TBC1D1: variants seen among roughly 807,000 people sequenced by gnomAD.
The protein encoded by TBC1D1 is TBC1 (tre-2/USP6, BUB2, cdc16) domain family, member 1.
TBC1D1 carries 89 observed loss-of-function variants against 125.6 expected under a neutral mutation model. The observed-to-expected ratio is 0.71, with a 90% CI of 0.60 to 0.85. TBC1D1 has a LOEUF of 0.85. Ranked by LOEUF, TBC1D1 falls within the 40% of genes least tolerant of loss-of-function variation. The pLI is 0.00. For missense variants in TBC1D1, 1,377 were observed against 1,469.2 expected (o/e 0.94, Z 1.03); for synonymous variants, 565 against 564.1 (o/e 1.00, Z -0.02).
intron 2 of TBC1D1, among the ~76,000 whole-genome samples, chr4:37,934,778 C>T (rs539689059): frequency 1.0e-3 from 159 of 152,260 alleles, no homozygotes; most frequent in Non-Finnish European, 1.7e-3. Context: ...CTTTTCTTCC[C>T]ACCTGTATCA....
intron 12 of TBC1D1, among the ~76,000 whole-genome samples, chr4:38,082,111 G>A (rs1756669622): frequency 1.3e-5 from 2 of 152,218 alleles, no homozygotes; most frequent in South Asian, 2.1e-4. Flanking sequence ...CATCTGGGAA[G>A]AGAGGGGGAG....
chr4:37,995,949 A>C lies in TBC1D1; in HGVS notation c.418-18560A>C. 1 of 571,068 alleles carries C rather than the reference A, an allele frequency of 1.8e-6. No individual in the cohort carries two copies. The highest frequency in any genetic ancestry group is 5.0e-5 in the East Asian group (1 of 20,196). The allele number at this position is 571,068 out of a possible 1,614,324, so 35.4% of individuals were successfully genotyped here. A position where few individuals can be genotyped will look rare whatever the true frequency, so the allele number is the denominator to read the frequency against. The stretch of plus-strand genomic sequence containing the variant: ...CCCAGGGAGAAATCCACACTCAAGG[A>C]CTTCTTTCTTCTCTTGCCTCTCTGT... On this transcript the variant is annotated intron_variant, in intron 2 of 19. Transcript: ENST00000261439. This position sits in a 1 kb window ranked among gnomAD's most constrained non-coding sequence, Gnocchi z 4.3.
intron 7 of TBC1D1, among the ~76,000 whole-genome samples, chr4:38,035,368 G>T (rs896551320): frequency 6.6e-6 from 1 of 152,188 alleles, no homozygotes; most frequent in South Asian, 2.1e-4. Flanking sequence ...TTCATTTTTA[G>T]ATGGGAGGAC....
chr4:38,121,976 A>G lies in TBC1D1; in HGVS notation c.2963-2986A>G, dbSNP rs1486992772. Reference sequence around the variant, plus strand: ...AAAGCTTCCTGCAGTCCTTCCTTCAACTCTGAATTCAAGCACATTCCTGCA... The same window carrying G: ...AAAGCTTCCTGCAGTCCTTCCTTCAGCTCTGAATTCAAGCACATTCCTGCA... On this transcript the variant is annotated intron_variant, in intron 17 of 19. Coordinates refer to ENST00000261439, the MANE Select transcript of TBC1D1 (RefSeq NM_015173.4). Among the ~76,000 whole-genome samples the G allele has an allele frequency of 4.6e-5, 7 of 152,206 alleles. No individual in the cohort carries two copies. In the East Asian group the frequency reaches 9.7e-4, roughly 21 times the overall value.
chr4:38,127,440 G>A (rs1199281589), intron 18 of TBC1D1, among the ~76,000 whole-genome samples: 4 of 149,196 alleles, frequency 2.7e-5, no homozygotes, highest in African/African-American at 5.0e-5. Flanking sequence ...GCTGGAATGC[G>A]GTGGTGTGAT....
chr4:38,103,262 A>G (rs531146789), intron 15 of TBC1D1, 105 bp downstream of exon 17: 11 of 1,207,636 alleles, frequency 9.1e-6, no homozygotes, highest in Admixed American at 5.3e-5. Flanking sequence ...AGGTTTAGCA[A>G]TCAAAATTTA....
At chr4:38,106,801 G>A (rs554933559) in intron 15 of TBC1D1, among the ~76,000 whole-genome samples, 3 of 152,232 alleles carry the variant, frequency 2.0e-5, no homozygotes, top group East Asian at 1.9e-4. Context: ...CAAGGGCCTC[G>A]GCGTGGCTGT....
At chr4:37,898,870 A>T (rs1186777091) in intron 1 of TBC1D1, among the ~76,000 whole-genome samples, 1 of 152,210 alleles carries the variant, frequency 6.6e-6, no homozygotes, top group Non-Finnish European at 1.5e-5. Flanking sequence ...GCTCAGAGGC[A>T]TGAGAAACGG....
chr4:37,892,524 A>G (rs1427939841), intron 1 of TBC1D1, among the ~76,000 whole-genome samples: 1 of 152,234 alleles, frequency 6.6e-6, no homozygotes, highest in Non-Finnish European at 1.5e-5. Context: ...TCAAAGCAGG[A>G]AATAAAATCA....
intron 2 of TBC1D1, among the ~76,000 whole-genome samples, chr4:37,905,199 GA>G (rs1717052939): frequency 6.6e-6 from 1 of 152,146 alleles, no homozygotes; most frequent in South Asian, 2.1e-4. Context: ...AGAATATGAG[GA>G]AACTTCAAAA....
chr4:37,917,493 A>G (rs1719986709), intron 2 of TBC1D1, among the ~76,000 whole-genome samples: 1 of 152,090 alleles, frequency 6.6e-6, no homozygotes, highest in African/African-American at 2.4e-5. Flanking sequence ...AAACAAATAA[A>G]AGAAGTTGTG....
rs75801907 is a variant in TBC1D1 at position 38,121,592 on chromosome 4, G to A, written c.2963-3370G>A. On this transcript the variant is annotated intron_variant, in intron 17 of 19. Transcript: ENST00000261439. ...CGTGGGCTACAGTGTAGTGAGCTAG[G>A]CTACTGCCTCACTGCGCTGGGCGGC... Among the ~76,000 whole-genome samples, 3 of 152,222 alleles carry A rather than the reference G, an allele frequency of 2.0e-5. No individual in the cohort carries two copies. The East Asian group carries it at 5.8e-4, about 29-fold the overall frequency.
At chr4:37,949,922 A>C (rs556711427) in intron 2 of TBC1D1, among the ~76,000 whole-genome samples, 108 of 152,276 alleles carry the variant, frequency 7.1e-4, no homozygotes, top group African/African-American at 2.5e-3. Flanking sequence ...ATTTCTTAGA[A>C]GATTCCTAAC....
intron 2 of TBC1D1, among the ~76,000 whole-genome samples, chr4:37,983,382 G>A (rs775598247): frequency 1.4e-4 from 22 of 152,124 alleles, no homozygotes; most frequent in Middle Eastern, 3.4e-3. Context: ...CAAAGTGCTG[G>A]GATTATAGGC....
intron 15 of TBC1D1, chr4:38,110,566 G>A (rs1762036264): frequency 3.0e-6 from 3 of 985,228 alleles, no homozygotes; most frequent in South Asian, 4.7e-5. Flanking sequence ...GGCCTTTCTG[G>A]CATATTTCTC....
intron 6 of TBC1D1, among the ~76,000 whole-genome samples, chr4:38,023,418 T>A (rs955118793): frequency 5.9e-5 from 9 of 152,248 alleles, no homozygotes; most frequent in Non-Finnish European, 8.8e-5. Context: ...TCCATTCACA[T>A]TGTTGTACAG....
At chr4:38,046,831 G>C (rs1749582303) in intron 10 of TBC1D1, among the ~76,000 whole-genome samples, 1 of 152,104 alleles carries the variant, frequency 6.6e-6, no homozygotes, top group African/African-American at 2.4e-5. Flanking sequence ...AAGTGGGTTT[G>C]GGTTTTGTGC....
At chr4:38,101,065 G>A (rs895399748) in intron 14 of TBC1D1, among the ~76,000 whole-genome samples, 1 of 152,108 alleles carries the variant, frequency 6.6e-6, no homozygotes, top group Non-Finnish European at 1.5e-5. Context: ...TCCCTTAGAG[G>A]GTTATGAGTA....
At chr4:37,989,046 G>A (rs529140273) in intron 2 of TBC1D1, among the ~76,000 whole-genome samples, 24 of 152,278 alleles carry the variant, frequency 1.6e-4, no homozygotes, top group Non-Finnish European at 2.9e-4. Flanking sequence ...ATTTTGAAAT[G>A]GCCCTGGAAA....
Sources: gnomAD v4.1 joint callset for allele counts (sites outside exome capture counted in the v4.1 genomes callset) on GRCh38, gnomAD v4.1.1 for gene constraint, Gnocchi (gnomAD v3.1) non-coding constraint, MANE v1.5 for transcripts, NCBI Gene and HGNC (gene_info 2026-07-23, HGNC 2026-07-21) for gene names.